HMGA2: variants seen among roughly 807,000 people sequenced by gnomAD.
HMGA2 encodes high mobility group protein HMGI-C.
Under a neutral mutation model 19.1 loss-of-function variants are expected in HMGA2, and 8 were observed. That is an observed-to-expected ratio of 0.42 (90% CI 0.25 to 0.76). The LOEUF (loss-of-function observed/expected upper bound fraction) is 0.76. Among genes scored for constraint, HMGA2 ranks in the 30% least tolerant of loss-of-function variants. The probability of loss-of-function intolerance (pLI) is 0.28; values close to 1 mark genes in which losing one functional copy is unlikely to be tolerated. For missense variants in HMGA2, 109 were observed against 136.3 expected (o/e 0.80, Z 1.00); for synonymous variants, 60 against 48.8 (o/e 1.23, Z -0.96).
chr12:65,863,941 C>G (rs1173088240), intron 3 of HMGA2, among the ~76,000 whole-genome samples: 2 of 152,198 alleles, frequency 1.3e-5, no homozygotes, highest in Non-Finnish European at 2.9e-5. Context: ...ATCTTCATTT[C>G]TCCAGATGGA....
At chr12:65,915,548 A>C in intron 3 of HMGA2, 1 of 1,125,134 alleles carries the variant, frequency 8.9e-7, no homozygotes. Flanking sequence ...CTGTCTCTTC[A>C]GTGCCATGTA....
At chr12:65,952,536 A>T in intron 4 of HMGA2, 3 of 1,423,622 alleles carry the variant, frequency 2.1e-6, no homozygotes, top group Non-Finnish European at 1.8e-6. Context: ...CATGAAAAAA[A>T]TCATTTTCAT....
intron 3 of HMGA2, chr12:65,866,925 G>A (rs566022425): frequency 2.2e-4 from 100 of 457,026 alleles, no homozygotes; most frequent in Non-Finnish European, 4.0e-4. Flanking sequence ...CTGCTGTCAA[G>A]ATAGGAACAT....
At chr12:65,872,317 T>A (rs1473524939) in intron 3 of HMGA2, among the ~76,000 whole-genome samples, 1 of 152,194 alleles carries the variant, frequency 6.6e-6, no homozygotes, top group Non-Finnish European at 1.5e-5. Context: ...AAACCTGTCC[T>A]GTGTTTCTTC....
intron 3 of HMGA2, among the ~76,000 whole-genome samples, chr12:65,903,316 T>C (rs1041220619): frequency 7.2e-5 from 11 of 152,346 alleles, no homozygotes; most frequent in African/African-American, 2.6e-4. Flanking sequence ...GTTAAATGTA[T>C]ATATGGCCAA....
intron 3 of HMGA2, among the ~76,000 whole-genome samples, chr12:65,901,594 T>G (rs1187292080): frequency 6.6e-6 from 1 of 152,212 alleles, no homozygotes; most frequent in Non-Finnish European, 1.5e-5. Context: ...AAATTACAGG[T>G]GTATGGAATT....
At chr12:65,924,535 C>A (rs145792152) in intron 3 of HMGA2, among the ~76,000 whole-genome samples, 1 of 151,990 alleles carries the variant, frequency 6.6e-6, no homozygotes, top group Non-Finnish European at 1.5e-5. Flanking sequence ...CAGTGGCTCA[C>A]GCCTGTAATC....
intron 3 of HMGA2, among the ~76,000 whole-genome samples, chr12:65,925,837 T>C (rs1428773209): frequency 1.3e-5 from 2 of 152,162 alleles, no homozygotes; most frequent in Non-Finnish European, 2.9e-5. Flanking sequence ...CATAAGTTCT[T>C]ACATAGCAGA....
In HMGA2 at chr12:65,963,215, C is replaced by T. The variant is rs1876802540; in HGVS notation, c.283-30C>T. The stretch of plus-strand genomic sequence containing the variant: ...CAGCCCACACAGTATAACGATTGAG[C>T]GTCATGGCTGTGCCCTTTGTGTGTT... On this transcript the variant is annotated intron_variant, in intron 4 of 4. Transcript: ENST00000403681. 1.9e-6 allele frequency: 3 copies of T among 1,609,650 alleles called. No homozygotes were observed. In the African/African-American group the frequency reaches 4.0e-5, roughly 22 times the overall value.
intron 3 of HMGA2, chr12:65,867,475 T>C (rs1267478843): frequency 2.2e-6 from 1 of 455,268 alleles, no homozygotes; most frequent in South Asian, 1.6e-5. Flanking sequence ...TAATGAGTGT[T>C]TATTATGTTT....
intron 3 of HMGA2, among the ~76,000 whole-genome samples, chr12:65,891,119 T>C (rs1207991596): frequency 6.6e-6 from 1 of 152,208 alleles, no homozygotes; most frequent in Non-Finnish European, 1.5e-5. Context: ...GTTGACTTTT[T>C]AATGTAAAGT....
chr12:65,902,517 A>C (rs1160566006), intron 3 of HMGA2, among the ~76,000 whole-genome samples: 1 of 152,212 alleles, frequency 6.6e-6, no homozygotes, highest in Non-Finnish European at 1.5e-5. Context: ...TTGAAAAAGA[A>C]AACAACCAAA....
At chr12:65,831,222 C>T (rs892949008) in intron 2 of HMGA2, among the ~76,000 whole-genome samples, 2 of 151,666 alleles carry the variant, frequency 1.3e-5, no homozygotes, top group Non-Finnish European at 3.0e-5. Context: ...GAAATCTTTG[C>T]ATTTTTACAG....
At chr12:65,892,483 C>A (rs948169225) in intron 3 of HMGA2, among the ~76,000 whole-genome samples, 2 of 152,168 alleles carry the variant, frequency 1.3e-5, no homozygotes, top group Admixed American at 6.5e-5. Flanking sequence ...CAACTCTGGA[C>A]AGGTTTTTCA....
rs761437964 is a variant in HMGA2, at chr12:65,838,982, C to CTTTTT, written c.249+416_249+417insTTTTT. Among the ~76,000 whole-genome samples, 15 of 103,130 alleles carry CTTTTT rather than the reference C, an allele frequency of 1.5e-4. 1 individual carries two copies. The highest frequency in any genetic ancestry group is 1.1e-3 in the African/African-American group (15 of 14,208). The allele number at this position is 103,130 out of a possible 152,430, so 67.7% of individuals were successfully genotyped here. A position where few individuals can be genotyped will look rare whatever the true frequency, so the allele number is the denominator to read the frequency against. On this transcript the variant is annotated intron_variant, in intron 3 of 4. Coordinates refer to ENST00000403681, the MANE Select transcript of HMGA2 (RefSeq NM_003483.6). ...TTTAACGTTTTTCTTTTTTCTTTTT[C>CTTTTT]TTTCTTTTTCTTTTTCTTTTTTTTT...
Position 65,825,392 on chromosome 12 carries a change from G to A in HMGA2, c.111+11G>A, listed in dbSNP as rs1267150713. The A allele has an allele frequency of 1.3e-6, 2 of 1,507,138 alleles. No homozygotes were observed. The highest frequency in any genetic ancestry group is 1.8e-6 in the Non-Finnish European group (2 of 1,128,720). 93.4% of individuals were successfully genotyped at this position (1,507,138 alleles called of 1,614,324 possible). ...AGGAAGCAGCAGCAAGTCAGTACGA[G>A]GGCGCGGTGGGGGCACCAGCCCACC... is the stretch of plus-strand genomic sequence containing the variant. On this transcript the variant is annotated intron_variant, in intron 1 of 4. Coordinates refer to ENST00000403681, the MANE Select transcript of HMGA2 (RefSeq NM_003483.6). This position sits in a 1 kb window ranked among gnomAD's most constrained non-coding sequence, Gnocchi z 4.4.
chr12:65,851,789 G>A (rs938954103), intron 3 of HMGA2: 58 of 287,196 alleles, frequency 2.0e-4, no homozygotes, highest in Non-Finnish European at 2.4e-4. Flanking sequence ...CACTAATCAC[G>A]GTTCTGAATG....
chr12:65,912,461 T>C (rs1874886742), intron 3 of HMGA2, among the ~76,000 whole-genome samples: 1 of 152,190 alleles, frequency 6.6e-6, no homozygotes, highest in South Asian at 2.1e-4. Flanking sequence ...TTCTAGACCT[T>C]GCTTCCTGCT....
intron 3 of HMGA2, among the ~76,000 whole-genome samples, chr12:65,846,112 C>T (rs922586065): frequency 1.3e-5 from 2 of 152,244 alleles, no homozygotes; most frequent in East Asian, 1.9e-4. Flanking sequence ...TCGCCCCCAA[C>T]CCTGTCCTCA....
Sources: allele counts gnomAD v4.1 joint callset (sites outside exome capture counted in the v4.1 genomes callset), GRCh38; gene constraint gnomAD v4.1.1; non-coding constraint Gnocchi (gnomAD v3.1); transcripts MANE v1.5; gene names NCBI Gene and HGNC (gene_info 2026-07-23, HGNC 2026-07-21).